Variants in FYN observed in about 807,000 individuals in gnomAD.
The protein encoded by FYN is tyrosine-protein kinase Fyn.
Under a neutral mutation model 70.2 loss-of-function variants are expected in FYN, and 10 were observed. The ratio of observed to expected loss-of-function variants is 0.14; its 90% CI spans 0.09 to 0.24. The LOEUF (loss-of-function observed/expected upper bound fraction) is 0.24, where lower values mean the gene tolerates loss of function less well. Among genes scored for constraint, FYN ranks in the 10% least tolerant of loss-of-function variants. The pLI is 1.00. For synonymous variants in FYN, 236 were observed against 248.6 expected (o/e 0.95, Z 0.48); for missense variants, 319 against 673.1 (o/e 0.47, Z 5.82).
At chr6:111,699,005 C>T (rs1214470291) in intron 9 of FYN, among the ~76,000 whole-genome samples, 1 of 152,188 alleles carries the variant, frequency 6.6e-6, no homozygotes, top group Non-Finnish European at 1.5e-5. Context: ...ATCACTCGAA[C>T]CTGGGAGGTG....
intron 3 of FYN, among the ~76,000 whole-genome samples, chr6:111,772,355 A>C (rs775817756): frequency 6.6e-6 from 1 of 152,228 alleles, no homozygotes; most frequent in African/African-American, 2.4e-5. Flanking sequence ...CAAAGTAATA[A>C]CTGAATCAGG....
chr6:111,779,520 T>C (rs1315485889), intron 3 of FYN, among the ~76,000 whole-genome samples: 1 of 152,140 alleles, frequency 6.6e-6, no homozygotes, highest in Non-Finnish European at 1.5e-5. Context: ...ACTCCAAAAA[T>C]GAACACAGCT....
intron 3 of FYN, among the ~76,000 whole-genome samples, chr6:111,724,768 C>A (rs553380959): frequency 1.3e-5 from 2 of 152,314 alleles, no homozygotes; most frequent in South Asian, 4.1e-4. Context: ...TAGGCATAAT[C>A]CCTGCTTCTG....
chr6:111,742,346 C>T (rs2128480146), intron 3 of FYN, among the ~76,000 whole-genome samples: 1 of 152,244 alleles, frequency 6.6e-6, no homozygotes, highest in East Asian at 1.9e-4. Flanking sequence ...CAACATCTTC[C>T]AGTGTAGAAA....
At chr6:111,783,617 C>T (rs1438541464) in intron 2 of FYN, among the ~76,000 whole-genome samples, 1 of 152,250 alleles carries the variant, frequency 6.6e-6, no homozygotes, top group Non-Finnish European at 1.5e-5. Context: ...ATACATATCA[C>T]AGACTATTGT....
At chr6:111,771,507 CT>C (rs200120585) in intron 3 of FYN, among the ~76,000 whole-genome samples, 3,446 of 152,256 alleles carry the variant, frequency 0.023, 51 homozygotes, top group Non-Finnish European at 0.037. Context: ...AACTTTCCCC[CT>C]CTTCAAAAAA....
chr6:111,731,706 C>G (rs1157677002), intron 3 of FYN, among the ~76,000 whole-genome samples: 1 of 152,152 alleles, frequency 6.6e-6, no homozygotes, highest in African/African-American at 2.4e-5. Context: ...AATTCCACGG[C>G]CTCTATGGGG....
intron 2 of FYN, among the ~76,000 whole-genome samples, chr6:111,790,276 A>G (rs1771565846): frequency 6.6e-6 from 1 of 151,434 alleles, no homozygotes; most frequent in African/African-American, 2.4e-5. Flanking sequence ...ACACACACAC[A>G]CACACACACA....
At chr6:111,697,857 TTC>T (rs1026119718) in intron 9 of FYN, among the ~76,000 whole-genome samples, 2 of 152,346 alleles carry the variant, frequency 1.3e-5, no homozygotes, top group African/African-American at 4.8e-5. Flanking sequence ...TAGGGTCCAA[TTC>T]TCTGTGATTG....
intron 2 of FYN, among the ~76,000 whole-genome samples, chr6:111,821,452 T>C (rs1340199820): frequency 6.6e-6 from 1 of 152,170 alleles, no homozygotes; most frequent in East Asian, 1.9e-4. Flanking sequence ...TGAAACTGGA[T>C]CCTTTCCTTA....
intron 3 of FYN, among the ~76,000 whole-genome samples, chr6:111,776,969 T>G (rs1770966373): frequency 6.6e-6 from 1 of 152,142 alleles, no homozygotes. Context: ...ATCTCTCTCC[T>G]CCCTAAGCAC....
At chr6:111,666,969 T>C (rs549190872) in intron 13 of FYN, among the ~76,000 whole-genome samples, 1 of 152,308 alleles carries the variant, frequency 6.6e-6, no homozygotes, top group Non-Finnish European at 1.5e-5. Context: ...CCCCAAACAC[T>C]GCAACTGAGA....
At chr6:111,798,042 T>TG (rs1771873487) in intron 2 of FYN, among the ~76,000 whole-genome samples, 1 of 152,092 alleles carries the variant, frequency 6.6e-6, no homozygotes, top group Non-Finnish European at 1.5e-5. Flanking sequence ...GGATTACAGG[T>TG]GTTGAGTCAC....
chr6:111,699,867 G>A, intron 9 of FYN: 1 of 465,264 alleles, frequency 2.1e-6, no homozygotes, highest in Non-Finnish European at 3.6e-6. Context: ...TGAGAGTCAT[G>A]TAATAGTACA....
chr6:111,663,538 C>T (rs1014767164), intron 13 of FYN, among the ~76,000 whole-genome samples: 2 of 152,206 alleles, frequency 1.3e-5, no homozygotes, highest in African/African-American at 4.8e-5. Context: ...TCTCTCCAGA[C>T]CTTTTCAGGA....
At chr6:111,764,546 G>A (rs868642531) in intron 3 of FYN, among the ~76,000 whole-genome samples, 2 of 152,162 alleles carry the variant, frequency 1.3e-5, no homozygotes, top group Middle Eastern at 3.2e-3. Context: ...CAAAGCTTGT[G>A]CCTCTAGCTA....
intron 2 of FYN, among the ~76,000 whole-genome samples, chr6:111,805,199 G>A (rs993444563): frequency 7.2e-5 from 11 of 152,248 alleles, no homozygotes; most frequent in African/African-American, 2.2e-4. Flanking sequence ...TTCTACCAGC[G>A]AAGAGGCTGG....
intron 2 of FYN, among the ~76,000 whole-genome samples, chr6:111,784,253 CAAG>C (rs1031035439): frequency 6.6e-6 from 1 of 152,140 alleles, no homozygotes; most frequent in Admixed American, 6.5e-5. Context: ...TCTGTATTTC[CAAG>C]AAATGTCTTC....
intron 3 of FYN, among the ~76,000 whole-genome samples, chr6:111,773,346 G>GGA (rs1803529793): frequency 2.3e-5 from 1 of 44,218 alleles, no homozygotes. Flanking sequence ...AAGGGAGAGG[G>GGA]AGAGGGAAAG....
Sources: allele counts gnomAD v4.1 joint callset (sites outside exome capture counted in the v4.1 genomes callset), GRCh38; gene constraint gnomAD v4.1.1; transcripts MANE v1.5; gene names NCBI Gene and HGNC (gene_info 2026-07-23, HGNC 2026-07-21).